The following PRKCE variants were observed in gnomAD, a reference collection of about 807,000 sequenced individuals.
PRKCE encodes protein kinase C epsilon, also known as protein kinase C epsilon type.
PRKCE carries 16 observed loss-of-function variants against 85.4 expected under a neutral mutation model. The observed-to-expected ratio is 0.19, with a 90% CI of 0.13 to 0.28. The LOEUF is 0.28. Ranked by LOEUF, PRKCE falls within the 10% of genes least tolerant of loss-of-function variation. PRKCE has a pLI of 1.00. For synonymous variants in PRKCE, 388 were observed against 371.5 expected, an observed-to-expected ratio of 1.04 and a Z score of -0.51; for missense variants, 573 against 975.2, an observed-to-expected ratio of 0.59 and a Z score of 5.49.
intron 2 of PRKCE, among the ~76,000 whole-genome samples, chr2:45,930,050 T>C (rs1040698348): frequency 6.6e-6 from 1 of 152,092 alleles, no homozygotes; most frequent in African/African-American, 2.4e-5. Context: ...TTTTGAAAAA[T>C]ATAGTGTGAG....
chr2:45,914,893 C>G (rs181480755), intron 2 of PRKCE, among the ~76,000 whole-genome samples: 7 of 152,148 alleles, frequency 4.6e-5, no homozygotes, highest in Non-Finnish European at 1.0e-4. Context: ...CTCTTACTAT[C>G]AACTGCTGAA....
intron 2 of PRKCE, among the ~76,000 whole-genome samples, chr2:45,971,265 T>A (rs553593235): frequency 8.5e-5 from 13 of 152,214 alleles, no homozygotes; most frequent in Non-Finnish European, 1.8e-4. Flanking sequence ...TGGTATCATG[T>A]AGTATTTGTC....
intron 11 of PRKCE, among the ~76,000 whole-genome samples, chr2:46,117,746 T>A (rs1249285187): frequency 1.3e-5 from 2 of 152,200 alleles, no homozygotes; most frequent in African/African-American, 4.8e-5. Flanking sequence ...GGAAAACACA[T>A]AGGAAGGGCT....
intron 1 of PRKCE, among the ~76,000 whole-genome samples, chr2:45,674,436 C>T (rs1676324500): frequency 6.6e-6 from 1 of 152,160 alleles, no homozygotes; most frequent in Admixed American, 6.5e-5. Context: ...CTCTGTCAAA[C>T]CAGGTACTAA....
chr2:46,170,074 A>G (rs1439486516), intron 14 of PRKCE, among the ~76,000 whole-genome samples: 2 of 152,232 alleles, frequency 1.3e-5, no homozygotes, highest in African/African-American at 4.8e-5. Flanking sequence ...TATTGCAACA[A>G]AATTTACATA....
At chr2:45,952,459 C>G (rs531452342) in intron 2 of PRKCE, among the ~76,000 whole-genome samples, 1 of 152,260 alleles carries the variant, frequency 6.6e-6, no homozygotes, top group Non-Finnish European at 1.5e-5. Context: ...AGTATACATT[C>G]TAAAGGAACA....
Position 46,155,975 on chromosome 2 carries a change from T to C in PRKCE, c.1921-3631T>C, listed in dbSNP as rs567741687. On this transcript the variant is annotated intron_variant, in intron 13 of 14. Transcript: ENST00000306156. The surrounding 1 kb of genome is among the most constrained non-coding windows in gnomAD (Gnocchi z 4.7). Reference sequence around the variant, plus strand: ...ACATATGTAACTAACCTGCACAATGTGCACATGTACCCTAAAACTTAAAGT... The same window carrying C: ...ACATATGTAACTAACCTGCACAATGCGCACATGTACCCTAAAACTTAAAGT... Among the ~76,000 whole-genome samples the C allele has an allele frequency of 6.7e-6, 1 of 148,522 alleles. No individual in the cohort carries two copies. Among genetic ancestry groups the C allele is most frequent in the Admixed American group, 6.8e-5 (1 of 14,736 alleles).
intron 2 of PRKCE, among the ~76,000 whole-genome samples, chr2:45,885,002 T>TATATTTTTTGTTG (rs1553440407): frequency 1.0e-5 from 1 of 97,642 alleles, no homozygotes; most frequent in Non-Finnish European, 2.1e-5. Context: ...TATATATATA[T>TATATTTTTTGTTG]TTGTTGTTGT....
At chr2:46,171,096 C>T (rs1558526247) in intron 14 of PRKCE, among the ~76,000 whole-genome samples, 1 of 152,238 alleles carries the variant, frequency 6.6e-6, no homozygotes, top group African/African-American at 2.4e-5. Context: ...GAGACACAGG[C>T]TCCTGCTGCA....
chr2:46,123,426 C>A (rs751842504), intron 11 of PRKCE, among the ~76,000 whole-genome samples: 1 of 151,850 alleles, frequency 6.6e-6, no homozygotes, highest in Non-Finnish European at 1.5e-5. Context: ...GATGATTTGT[C>A]GTGTTTACTC....
chr2:46,178,440 G>A (rs1253230706), intron 14 of PRKCE, among the ~76,000 whole-genome samples: 2 of 152,242 alleles, frequency 1.3e-5, no homozygotes, highest in Non-Finnish European at 2.9e-5. Flanking sequence ...TATGTTTAGA[G>A]AAATTTTTAA....
chr2:45,930,120 C>T (rs750301951), intron 2 of PRKCE, among the ~76,000 whole-genome samples: 20 of 152,200 alleles, frequency 1.3e-4, no homozygotes, highest in Non-Finnish European at 1.9e-4. Context: ...AGTCAGATGA[C>T]GCCTCCATCC....
intron 10 of PRKCE, among the ~76,000 whole-genome samples, chr2:46,047,728 AT>A (rs1385706854): frequency 7.2e-5 from 11 of 152,304 alleles, no homozygotes; most frequent in Middle Eastern, 3.4e-3. Flanking sequence ...TAACTCATTT[AT>A]TTTTTAGTAA....
chr2:45,938,775 G>C (rs751437284), intron 2 of PRKCE, among the ~76,000 whole-genome samples: 5 of 152,160 alleles, frequency 3.3e-5, no homozygotes, highest in Non-Finnish European at 5.9e-5. Flanking sequence ...TATTTACAAA[G>C]TCGTGCCAGT....
At chr2:46,090,756 C>T (rs1392629403) in intron 11 of PRKCE, among the ~76,000 whole-genome samples, 1 of 151,936 alleles carries the variant, frequency 6.6e-6, no homozygotes. Flanking sequence ...GCAAAAGGCT[C>T]TGTGGGGAGG....
intron 2 of PRKCE, among the ~76,000 whole-genome samples, chr2:45,932,405 C>T (rs758455618): frequency 3.3e-5 from 5 of 152,128 alleles, no homozygotes; most frequent in South Asian, 2.1e-4. Context: ...CAAATGTACA[C>T]GCTGGCATTG....
At chr2:45,945,697 C>T (rs1369215352) in intron 2 of PRKCE, among the ~76,000 whole-genome samples, 1 of 152,240 alleles carries the variant, frequency 6.6e-6, no homozygotes, top group Non-Finnish European at 1.5e-5. Context: ...ACTCTTATTA[C>T]CCCTTCCTCA....
chr2:45,987,435 C>G (rs972047243), intron 6 of PRKCE, among the ~76,000 whole-genome samples: 1 of 152,166 alleles, frequency 6.6e-6, no homozygotes, highest in Non-Finnish European at 1.5e-5. Flanking sequence ...CCCCTTGCTG[C>G]TGTTCTGTGA....
chr2:45,985,559 G>T (rs1238574740), intron 6 of PRKCE, among the ~76,000 whole-genome samples: 6 of 152,108 alleles, frequency 3.9e-5, no homozygotes, highest in African/African-American at 1.2e-4. Flanking sequence ...AAGAATATAA[G>T]TAAAGTATAA....
Sources: allele counts gnomAD v4.1 joint callset (sites outside exome capture counted in the v4.1 genomes callset), GRCh38; gene constraint gnomAD v4.1.1; non-coding constraint Gnocchi (gnomAD v3.1); transcripts MANE v1.5; gene names NCBI Gene and HGNC (gene_info 2026-07-23, HGNC 2026-07-21).